Variants in PSMD9 observed in about 807,000 individuals in gnomAD.
PSMD9 encodes proteasome 26S subunit, non-ATPase 9.
Under a neutral mutation model 25.9 loss-of-function variants are expected in PSMD9, and 26 were observed. That is an observed-to-expected ratio of 1.00 (90% CI 0.73 to 1.39). The LOEUF (loss-of-function observed/expected upper bound fraction) is 1.39. Among genes scored for constraint, PSMD9 ranks in the 40% most tolerant of loss-of-function variants. The pLI is 0.00. For missense variants in PSMD9, 303 were observed against 299.3 expected, an observed-to-expected ratio of 1.01 and a Z score of -0.09; for synonymous variants, 110 against 114.5, an observed-to-expected ratio of 0.96 and a Z score of 0.25.
At chr12:121,889,916 A>G (rs1879012421) in intron 1 of PSMD9, among the ~76,000 whole-genome samples, 1 of 151,830 alleles carries the variant, frequency 6.6e-6, no homozygotes, top group Non-Finnish European at 1.5e-5. Context: ...TGTAAGATGA[A>G]GTTTCTTTTT....
At chr12:121,897,128 C>G in intron 2 of PSMD9, 1 of 152,198 alleles carries the variant, frequency 6.6e-6, no homozygotes, top group East Asian at 1.9e-4. Context: ...GGCACAGAGG[C>G]TCATGCCTGT....
intron 3 of PSMD9, chr12:121,902,580 G>A: frequency 5.4e-6 from 1 of 186,466 alleles, no homozygotes; most frequent in South Asian, 1.1e-4. Flanking sequence ...TGTGCCTGTG[G>A]CTGCTTGTCT....
At chr12:121,915,324 C>CA (rs36112373) in intron 4 of PSMD9, 63 of 133,514 alleles carry the variant, frequency 4.7e-4, no homozygotes, top group Middle Eastern at 7.1e-3. Context: ...GACTGTGTCT[C>CA]AAAAAAAAAA....
chr12:121,913,660 T>TA (rs993314606), intron 4 of PSMD9, among the ~76,000 whole-genome samples: 8 of 151,272 alleles, frequency 5.3e-5, no homozygotes, highest in African/African-American at 1.7e-4. Flanking sequence ...CCTGGCTAAT[T>TA]AAAAAAAATA....
Position 121,917,631 on chromosome 12 carries a change from G to A in PSMD9, c.*1320G>A, listed in dbSNP as rs1879958007. 6.6e-6 allele frequency: 1 copy of A among 152,172 alleles called. No homozygotes were observed. The highest frequency in any genetic ancestry group is 2.4e-5 in the African/African-American group (1 of 41,428). 9.4% of individuals were successfully genotyped at this position (152,172 alleles called of 1,614,324 possible). A position where few individuals can be genotyped will look rare whatever the true frequency, so the allele number is the denominator to read the frequency against. On this transcript the variant is annotated 3_prime_UTR_variant, in exon 6 of 6. Coordinates refer to ENST00000541212, the MANE Select transcript of PSMD9 (RefSeq NM_002813.7). ...GATACCAGCTTGCCTTGATGGGATT[G>A]GTATTGCTGTGTGCTTCCAGCCACA...
At position 121,911,659 on chromosome 12, in the gene PSMD9, C is replaced by CT. The variant is rs60603408; in HGVS notation, c.556-4182dup. ...ATTTTTTTTAACTTCAATATATGAACTTTTTTTTTTTTTTTGAGATGGAGT... is the reference window on the plus strand; with the variant it reads ...ATTTTTTTTAACTTCAATATATGAACTTTTTTTTTTTTTTTTGAGATGGAGT... On this transcript the variant is annotated intron_variant, in intron 4 of 5. Transcript: ENST00000541212. Among the ~76,000 whole-genome samples the CT allele has an allele frequency of 9.1e-3, 1,292 of 141,670 alleles. 24 individuals are homozygous for CT. Among genetic ancestry groups the CT allele is most frequent in the African/African-American group, 0.026 (1,030 of 38,870 alleles). The allele number at this position is 141,670 out of a possible 152,430, so 92.9% of individuals were successfully genotyped here.
intron 2 of PSMD9, among the ~76,000 whole-genome samples, chr12:121,895,654 C>T (rs1057391682): frequency 3.3e-5 from 5 of 152,180 alleles, no homozygotes; most frequent in African/African-American, 1.2e-4. Flanking sequence ...CCAGCAGTCG[C>T]ATTTCCCTCC....
At chr12:121,897,658 G>A (rs956636695) in intron 2 of PSMD9, 2 of 149,516 alleles carry the variant, frequency 1.3e-5, no homozygotes, top group Non-Finnish European at 2.9e-5. Flanking sequence ...CCTCGGCCTC[G>A]ACAGGCGTGA....
chr12:121,899,607 GC>G (rs773139087), intron 2 of PSMD9, 26 bp from the exon 3 acceptor site: 70 of 1,565,756 alleles, frequency 4.5e-5, no homozygotes, highest in East Asian at 2.3e-5. Flanking sequence ...GTCTTCCTTG[GC>G]CCCTGATGTG....
chr12:121,890,024 T>G (rs1879017862), intron 1 of PSMD9, among the ~76,000 whole-genome samples: 1 of 151,924 alleles, frequency 6.6e-6, no homozygotes, highest in African/African-American at 2.4e-5. Context: ...TTCAAGTGAT[T>G]CTCCTGCCTC....
chr12:121,892,594 G>A lies in PSMD9; in HGVS notation c.139-2145G>A, dbSNP rs187002743. 1.0e-3 allele frequency among the ~76,000 whole-genome samples: 152 copies of A among 152,140 alleles called. 2 individuals carry two copies. The highest frequency in any genetic ancestry group is 3.4e-3 in the African/African-American group (140 of 41,524). On this transcript the variant is annotated intron_variant, in intron 1 of 5. Coordinates refer to ENST00000541212, the MANE Select transcript of PSMD9 (RefSeq NM_002813.7). ...CAGACGCCTGTAGTCCCAGCTACTC[G>A]GGAGGCTGAGGCAGGAGAAGGGCCT...
rs767614308 is a variant in PSMD9, at chr12:121,894,713, C to T, written c.139-26C>T. 3 of 1,607,200 alleles carry T rather than the reference C, an allele frequency of 1.9e-6. No individual in the cohort carries two copies. The South Asian group carries it at 3.3e-5, about 18-fold the overall frequency. The stretch of plus-strand genomic sequence containing the variant: ...CTGGGGACATTACACCCATGAGCAC[C>T]TTTTAACCACGTTTCTTTCCTCCAG... On this transcript the variant is annotated intron_variant, in intron 1 of 5. Coordinates refer to ENST00000541212, the MANE Select transcript of PSMD9 (RefSeq NM_002813.7).
intron 1 of PSMD9, 91 bp downstream of exon 1, chr12:121,889,085 T>C: frequency 8.1e-6 from 12 of 1,476,622 alleles, no homozygotes; most frequent in Non-Finnish European, 1.1e-5. Context: ...GTTTGGGCGC[T>C]CCGCAACGGA....
In PSMD9 at chr12:121,891,803, G is replaced by C. The variant is rs1879089383; in HGVS notation, c.138+2809G>C. Among the ~76,000 whole-genome samples the C allele has an allele frequency of 2.7e-5, 4 of 150,908 alleles. No homozygotes were observed. The South Asian group carries it at 8.4e-4, about 32-fold the overall frequency. ...CATCTATAATCCCAGCTACCCGGGA[G>C]GCTGATGCAAGAGAATCACTTGAAC... On this transcript the variant is annotated intron_variant, in intron 1 of 5. Transcript: ENST00000541212.
Position 121,899,643 on chromosome 12 carries a change from A to G in PSMD9, c.251A>G (p.Asn84Ser). 6 of 1,607,110 alleles carry G rather than the reference A, an allele frequency of 3.7e-6. No homozygotes were observed. The highest frequency in any genetic ancestry group is 5.1e-6 in the Non-Finnish European group (6 of 1,176,824). Residue 84 changes from asparagine (N) to serine (S), a missense_variant, in exon 3 of 6, where the codon AAT (asparagine) becomes AGT (serine). Asn to Ser is a conservative substitution (Grantham distance 46). Transcript: ENST00000541212. ...GTGGTTCTCATCCCAGGCCTGCAGA[A>G]TGATCACAAGGCAGTGATGAAGCAG... ...TARHNIICLQ[N>S]DHKAVMKQVE...
intron 4 of PSMD9, among the ~76,000 whole-genome samples, chr12:121,913,018 A>C (rs1348669022): frequency 2.7e-5 from 4 of 149,964 alleles, no homozygotes; most frequent in South Asian, 2.1e-4. Flanking sequence ...CTCACTGCAA[A>C]CTCCGCCTCC....
chr12:121,889,362 G>T (rs1878991496), intron 1 of PSMD9, among the ~76,000 whole-genome samples: 3 of 152,176 alleles, frequency 2.0e-5, no homozygotes, highest in African/African-American at 4.8e-5. Flanking sequence ...GCTGTCATGT[G>T]CCTCGCTGAC....
In PSMD9 at chr12:121,915,892, A is replaced by C. The variant is rs747724318; in HGVS notation, c.592A>C (p.Lys198Gln). The change falls in exon 5 of 6, where the codon AAA (lysine) becomes CAA (glutamine). Residue 198 changes from lysine to glutamine, a missense_variant. Lys to Gln is a moderately conservative substitution (Grantham distance 53). Coordinates refer to ENST00000541212, the MANE Select transcript of PSMD9 (RefSeq NM_002813.7). ...LNVTVIRRGE[K>Q]HQLRLVPTRW... ...TGTGACAGTGATCCGCAGGGGGGAA[A>C]AACACCAGCTTAGACTTGTTCCAAC... 6 of 1,613,978 alleles carry C rather than the reference A, an allele frequency of 3.7e-6. No individual in the cohort carries two copies. In the Admixed American group the frequency reaches 6.7e-5, roughly 18 times the overall value.
Position 121,895,376 on chromosome 12 carries a change from A to G in PSMD9, c.241+535A>G, listed in dbSNP as rs1040070479. Among the ~76,000 whole-genome samples the G allele has an allele frequency of 7.9e-5, 12 of 152,304 alleles. 1 individual carries two copies. Among genetic ancestry groups the G allele is most frequent in the Admixed American group, 6.5e-4 (10 of 15,284 alleles). On this transcript the variant is annotated intron_variant, in intron 2 of 5. Coordinates refer to ENST00000541212, the MANE Select transcript of PSMD9 (RefSeq NM_002813.7). ...AGTATATTTGTTTTCTGTTTCTGCCATAACAAATGACGTGATTTGTTTTTA... is the reference window on the plus strand; with the variant it reads ...AGTATATTTGTTTTCTGTTTCTGCCGTAACAAATGACGTGATTTGTTTTTA...
Sources: allele counts gnomAD v4.1 joint callset (sites outside exome capture counted in the v4.1 genomes callset), GRCh38; gene constraint gnomAD v4.1.1; transcripts MANE v1.5; gene names NCBI Gene and HGNC (gene_info 2026-07-23, HGNC 2026-07-21).